MYO1E: variants seen among roughly 807,000 people sequenced by gnomAD.
MYO1E encodes myosin IE, also known as unconventional myosin-Ie.
A neutral mutation model predicts 151.1 loss-of-function variants in MYO1E; 68 were observed. The ratio of observed to expected loss-of-function variants is 0.45; its 90% CI spans 0.37 to 0.55. The LOEUF (loss-of-function observed/expected upper bound fraction) is 0.55, where lower values mean the gene tolerates loss of function less well. Among genes scored for constraint, MYO1E ranks in the 20% least tolerant of loss-of-function variants. The pLI, the probability that MYO1E is intolerant of heterozygous loss-of-function variation, is 0.00. For missense variants in MYO1E, 1,363 were observed against 1,389.3 expected, an observed-to-expected ratio of 0.98 and a Z score of 0.30; for synonymous variants, 601 against 501.7, an observed-to-expected ratio of 1.20 and a Z score of -2.64.
intron 14 of MYO1E, chr15:59,207,087 G>C (rs1396869132): frequency 6.2e-7 from 1 of 1,614,244 alleles, no homozygotes; most frequent in Admixed American, 1.7e-5. Flanking sequence ...CCGTGAGCAA[G>C]ATGGCGACTG....
In MYO1E at chr15:59,208,827, T is replaced by G; in HGVS notation, c.1384A>C (p.Ile462Leu). 1 of 1,614,224 alleles carries G rather than the reference T, an allele frequency of 6.2e-7. No individual in the cohort carries two copies. Among genetic ancestry groups the G allele is most frequent in the Non-Finnish European group, 8.5e-7 (1 of 1,180,046 alleles). The part of the protein sequence containing the change: ...NKVNPPGIMS[I>L]LDDVCATMHA... ...ATCGTGGCGCACACGTCATCCAGGA[T>G]GCTCATGATGCCAGGAGGGTTCTGA... Residue 462 changes from isoleucine to leucine, a missense_variant, in exon 14 of 28, where the codon ATC becomes CTC. Physicochemically the swap from Ile to Leu is conservative, Grantham distance 5 (BLOSUM62 2). Coordinates refer to ENST00000288235, the MANE Select transcript of MYO1E (RefSeq NM_004998.4).
chr15:59,191,971 C>T (rs1357024307), intron 17 of MYO1E, among the ~76,000 whole-genome samples: 5 of 152,132 alleles, frequency 3.3e-5, no homozygotes, highest in African/African-American at 4.8e-5. Context: ...CAAACAAAAA[C>T]GCATTTGCAA....
intron 1 of MYO1E, among the ~76,000 whole-genome samples, chr15:59,366,874 C>T (rs1162629600): frequency 1.3e-5 from 2 of 151,886 alleles, no homozygotes; most frequent in African/African-American, 4.8e-5. Context: ...TAACCTTTAA[C>T]CTCTTATTTA....
chr15:59,247,022 C>T (rs1435156118), intron 4 of MYO1E, among the ~76,000 whole-genome samples: 1 of 151,986 alleles, frequency 6.6e-6, no homozygotes, highest in Admixed American at 6.6e-5. Context: ...ATAAGAAGAC[C>T]CTGTCGCTAC....
chr15:59,251,044 A>T (rs538583019), intron 4 of MYO1E, among the ~76,000 whole-genome samples: 1 of 152,312 alleles, frequency 6.6e-6, no homozygotes, highest in East Asian at 1.9e-4. Flanking sequence ...AAATGTGAGG[A>T]AAGAGAAAGG....
In MYO1E at chr15:59,350,898, T is replaced by G. The variant is rs983178044; in HGVS notation, c.3+21600A>C. Among the ~76,000 whole-genome samples the G allele has an allele frequency of 1.3e-5, 2 of 152,236 alleles. No homozygotes were observed. The highest frequency in any genetic ancestry group is 2.4e-5 in the African/African-American group (1 of 41,464). On this transcript the variant is annotated intron_variant, in intron 1 of 27. Transcript: ENST00000288235. The surrounding 1 kb of genome is among the most constrained non-coding windows in gnomAD (Gnocchi z 5.0). ...TTGTTTGTTTGGTTGGTTGGTTTTT[T>G]GTTTTTTGTCTTTTTTGAGACGGAG...
chr15:59,260,683 G>A (rs1170608763), intron 3 of MYO1E, among the ~76,000 whole-genome samples: 1 of 152,082 alleles, frequency 6.6e-6, no homozygotes, highest in Non-Finnish European at 1.5e-5. Context: ...AATAAATGAA[G>A]TAATACAAGA....
chr15:59,208,194 T>G (rs370941988), intron 14 of MYO1E: 63 of 1,015,336 alleles, frequency 6.2e-5, no homozygotes, highest in Non-Finnish European at 7.1e-5. Flanking sequence ...AACAGGAAAG[T>G]AGGTAGAGTG....
chr15:59,260,993 C>T (rs1200136822), intron 3 of MYO1E, among the ~76,000 whole-genome samples: 2 of 152,018 alleles, frequency 1.3e-5, no homozygotes, highest in Admixed American at 6.6e-5. Flanking sequence ...GCAGGTGGAT[C>T]ACCTGAGGTC....
Position 59,240,681 on chromosome 15 carries a change from C to T in MYO1E, c.333-4009G>A, listed in dbSNP as rs538466786. 2.0e-5 allele frequency among the ~76,000 whole-genome samples: 3 copies of T among 152,334 alleles called. No homozygotes were observed. In the East Asian group the frequency reaches 5.8e-4, roughly 29 times the overall value. ...GTTGGACGACTCACCAATGCACCCC[C>T]ATCCCCCATTTCTGATCTAAAAATC... On this transcript the variant is annotated intron_variant, in intron 4 of 27. Coordinates refer to ENST00000288235, the MANE Select transcript of MYO1E (RefSeq NM_004998.4).
intron 4 of MYO1E, among the ~76,000 whole-genome samples, chr15:59,237,244 A>T (rs1270792352): frequency 6.6e-6 from 1 of 152,208 alleles, no homozygotes; most frequent in Non-Finnish European, 1.5e-5. Flanking sequence ...TTAAAAAAAG[A>T]AAAGAAAAAG....
At chr15:59,167,392 G>A (rs773249503) in intron 22 of MYO1E, among the ~76,000 whole-genome samples, 8 of 152,100 alleles carry the variant, frequency 5.3e-5, no homozygotes, top group Non-Finnish European at 1.0e-4. Context: ...CCATGGCACC[G>A]AACTCAACAC....
chr15:59,325,545 CA>C (rs1403959941), intron 1 of MYO1E, among the ~76,000 whole-genome samples: 1 of 152,176 alleles, frequency 6.6e-6, no homozygotes, highest in Non-Finnish European at 1.5e-5. Context: ...TTTGATAGTG[CA>C]ATCCAATAAC....
chr15:59,161,376 T>C, intron 23 of MYO1E, 146 bp from the exon 24 acceptor site: 1 of 939,654 alleles, frequency 1.1e-6, no homozygotes, highest in Non-Finnish European at 1.6e-6. Flanking sequence ...GCCCTGAGGA[T>C]GCGCACCGCA....
At chr15:59,332,859 G>T (rs979475582) in intron 1 of MYO1E, among the ~76,000 whole-genome samples, 2 of 151,944 alleles carry the variant, frequency 1.3e-5, no homozygotes, top group Admixed American at 1.3e-4. Context: ...CACCACGACC[G>T]GCCCTGGGAT....
intron 1 of MYO1E, among the ~76,000 whole-genome samples, chr15:59,353,950 G>A (rs2080839470): frequency 6.6e-6 from 1 of 152,072 alleles, no homozygotes; most frequent in Non-Finnish European, 1.5e-5. Flanking sequence ...ATAATCTAGA[G>A]TTTGTGTGTA....
At chr15:59,197,702 A>G (rs1209185887) in intron 16 of MYO1E, among the ~76,000 whole-genome samples, 3 of 152,240 alleles carry the variant, frequency 2.0e-5, no homozygotes, top group Non-Finnish European at 2.9e-5. Flanking sequence ...CCTTGCTGAC[A>G]AAGAGATGGG....
At chr15:59,208,521 T>C in intron 14 of MYO1E, 160 bp downstream of exon 14, 1 of 823,478 alleles carries the variant, frequency 1.2e-6, no homozygotes, top group Non-Finnish European at 2.0e-6. Context: ...AAAAATGCAG[T>C]AGTATATACA....
intron 1 of MYO1E, among the ~76,000 whole-genome samples, chr15:59,289,905 C>T (rs559920265): frequency 4.7e-4 from 71 of 152,340 alleles, no homozygotes; most frequent in African/African-American, 1.6e-3. Flanking sequence ...AGAATACTTA[C>T]TTCTCATTGT....
Sources: allele counts gnomAD v4.1 joint callset (sites outside exome capture counted in the v4.1 genomes callset), GRCh38; gene constraint gnomAD v4.1.1; non-coding constraint Gnocchi (gnomAD v3.1); transcripts MANE v1.5; gene names NCBI Gene and HGNC (gene_info 2026-07-23, HGNC 2026-07-21).